The following DOCK3 variants were observed in gnomAD, a reference collection of about 807,000 sequenced individuals.
The protein encoded by DOCK3 is dedicator of cytokinesis protein 3.
A neutral mutation model predicts 265.6 loss-of-function variants in DOCK3; 60 were observed. The observed-to-expected ratio is 0.23, with a 90% CI of 0.18 to 0.28. DOCK3 has a LOEUF of 0.28. Among genes scored for constraint, DOCK3 ranks in the 10% least tolerant of loss-of-function variants. The pLI is 1.00. For missense variants in DOCK3, 1,981 were observed against 2,594.3 expected (o/e 0.76, Z 5.14); for synonymous variants, 881 against 938.0 (o/e 0.94, Z 1.11).
At chr3:51,050,907 T>TCTATA (rs1296851332) in intron 5 of DOCK3, among the ~76,000 whole-genome samples, 3 of 152,238 alleles carry the variant, frequency 2.0e-5, no homozygotes, top group Non-Finnish European at 4.4e-5. Context: ...TGATTATAGA[T>TCTATA]AACCACATAT....
chr3:51,296,540 G>A (rs34035394), intron 27 of DOCK3, among the ~76,000 whole-genome samples: 13,179 of 149,886 alleles, frequency 0.088, 720 homozygotes, highest in Non-Finnish European at 0.11. Context: ...GCAGTGGCGC[G>A]ATCTCGGCTC....
At chr3:50,777,819 A>T (rs1002675433) in intron 1 of DOCK3, among the ~76,000 whole-genome samples, 23 of 152,180 alleles carry the variant, frequency 1.5e-4, no homozygotes, top group African/African-American at 5.5e-4. Flanking sequence ...AATCTTTTGT[A>T]TGACGGGTTT....
chr3:50,962,796 T>C (rs938600693), intron 5 of DOCK3, among the ~76,000 whole-genome samples: 2 of 152,236 alleles, frequency 1.3e-5, no homozygotes, highest in African/African-American at 2.4e-5. Context: ...TATGGGTCTC[T>C]GCAACCATAT....
At chr3:50,695,748 C>T (rs2035576729) in intron 1 of DOCK3, among the ~76,000 whole-genome samples, 1 of 152,170 alleles carries the variant, frequency 6.6e-6, no homozygotes, top group Non-Finnish European at 1.5e-5. Flanking sequence ...CTCAGTGCTC[C>T]TGGGGGTCGC....
intron 32 of DOCK3, among the ~76,000 whole-genome samples, chr3:51,329,761 A>G (rs777423945): frequency 8.5e-5 from 13 of 152,330 alleles, no homozygotes; most frequent in Admixed American, 4.6e-4. Flanking sequence ...TTCTAACCAA[A>G]TGTATTTTAC....
At chr3:50,822,860 A>T (rs2044524638) in intron 2 of DOCK3, among the ~76,000 whole-genome samples, 1 of 152,148 alleles carries the variant, frequency 6.6e-6, no homozygotes, top group African/African-American at 2.4e-5. Flanking sequence ...CTTACTAATG[A>T]CACTTAACAT....
intron 2 of DOCK3, among the ~76,000 whole-genome samples, chr3:50,839,875 TCTC>T (rs1480892645): frequency 6.6e-6 from 1 of 150,390 alleles, no homozygotes; most frequent in Non-Finnish European, 1.5e-5. Flanking sequence ...TTCAAGCAAT[TCTC>T]CTGCCTCAGC....
At chr3:51,174,553 G>A (rs1173228406) in intron 12 of DOCK3, among the ~76,000 whole-genome samples, 2 of 151,960 alleles carry the variant, frequency 1.3e-5, no homozygotes, top group Non-Finnish European at 2.9e-5. Context: ...TTATCTATCT[G>A]TTCTCTTGCA....
chr3:50,973,285 C>T (rs2077313175), intron 5 of DOCK3, among the ~76,000 whole-genome samples: 4 of 140,144 alleles, frequency 2.9e-5, no homozygotes, highest in Middle Eastern at 7.2e-3. Context: ...CTATCCCTCC[C>T]CCCTCCCCCC....
chr3:50,848,424 G>T (rs1462271098), intron 3 of DOCK3, among the ~76,000 whole-genome samples: 3 of 152,180 alleles, frequency 2.0e-5, no homozygotes, highest in African/African-American at 7.2e-5. Flanking sequence ...GTGACAGCAG[G>T]TATCGCTCTT....
chr3:51,218,759 G>T (rs977563691), intron 14 of DOCK3, among the ~76,000 whole-genome samples: 1 of 152,174 alleles, frequency 6.6e-6, no homozygotes, highest in Non-Finnish European at 1.5e-5. Context: ...TGTTCTAATA[G>T]ATGACTAAGT....
intron 6 of DOCK3, among the ~76,000 whole-genome samples, chr3:51,065,357 T>C (rs1295827397): frequency 6.6e-6 from 1 of 152,162 alleles, no homozygotes; most frequent in Non-Finnish European, 1.5e-5. Flanking sequence ...CTTATCCTTT[T>C]TGGGAGGGGC....
intron 2 of DOCK3, among the ~76,000 whole-genome samples, chr3:50,819,162 G>C (rs2044261533): frequency 6.6e-6 from 1 of 152,076 alleles, no homozygotes; most frequent in South Asian, 2.1e-4. Flanking sequence ...TTTGTATCAT[G>C]CTTTGACTTT....
intron 2 of DOCK3, among the ~76,000 whole-genome samples, chr3:50,795,269 G>C (rs1429728331): frequency 1.3e-5 from 2 of 152,180 alleles, no homozygotes; most frequent in Admixed American, 1.3e-4. Flanking sequence ...GCATTTAAAT[G>C]TTGGCCTGTC....
intron 3 of DOCK3, among the ~76,000 whole-genome samples, chr3:50,872,043 T>G (rs1350716951): frequency 1.3e-5 from 2 of 152,240 alleles, no homozygotes; most frequent in African/African-American, 4.8e-5. Flanking sequence ...TCCTGGTGCC[T>G]TATTTAGTTT....
chr3:51,128,093 T>C (rs1325470232), intron 9 of DOCK3, among the ~76,000 whole-genome samples: 3 of 152,226 alleles, frequency 2.0e-5, no homozygotes, highest in African/African-American at 7.2e-5. Context: ...TTCAGTTTAA[T>C]GGAATCATTG....
At chr3:51,124,742 G>T (rs2084187045) in intron 9 of DOCK3, among the ~76,000 whole-genome samples, 1 of 152,160 alleles carries the variant, frequency 6.6e-6, no homozygotes, top group African/African-American at 2.4e-5. Flanking sequence ...TTGAAAGACA[G>T]TTGGAATGAG....
rs2081862212 is a variant in DOCK3 at position 51,071,429 on chromosome 3, A to T, written c.465-3927A>T. On this transcript the variant is annotated intron_variant, in intron 6 of 52. Transcript: ENST00000266037. ...TACATCTGTATGTAGATATACATAG[A>T]TGTTTGCCCCCTGCTTGTGTTCATC... Among the ~76,000 whole-genome samples, 3 of 152,294 alleles carry T rather than the reference A, an allele frequency of 2.0e-5. No individual in the cohort carries two copies. The South Asian group carries it at 6.2e-4, about 32-fold the overall frequency.
chr3:50,901,594 G>C, intron 4 of DOCK3: 1 of 452,034 alleles, frequency 2.2e-6, no homozygotes, highest in Non-Finnish European at 4.4e-6. Flanking sequence ...CCAGGTCCCT[G>C]GTGGTGTAGG....
Sources: gnomAD v4.1 joint callset for allele counts (sites outside exome capture counted in the v4.1 genomes callset) on GRCh38, gnomAD v4.1.1 for gene constraint, MANE v1.5 for transcripts, NCBI Gene and HGNC (gene_info 2026-07-23, HGNC 2026-07-21) for gene names.